The following DOCK1 variants were observed in gnomAD, a reference collection of about 807,000 sequenced individuals.
DOCK1 encodes the protein dedicator of cytokinesis protein 1.
DOCK1 carries 138 observed loss-of-function variants against 262.7 expected under a neutral mutation model. The observed-to-expected ratio is 0.53, with a 90% CI of 0.46 to 0.61. The LOEUF is 0.61. DOCK1 is among the 20% of genes least tolerant of loss of function. The pLI, the probability that DOCK1 is intolerant of heterozygous loss-of-function variation, is 0.00. For synonymous variants in DOCK1, 866 were observed against 867.4 expected (o/e 1.00, Z 0.03); for missense variants, 1,908 against 2,370.7 (o/e 0.80, Z 4.05).
intron 1 of DOCK1, among the ~76,000 whole-genome samples, chr10:126,961,815 A>G (rs1351691854): frequency 6.6e-6 from 1 of 152,150 alleles, no homozygotes; most frequent in African/African-American, 2.4e-5. Context: ...ATGGATGTGC[A>G]AATATCTATT....
chr10:126,997,662 A>C (rs948141690), intron 7 of DOCK1, among the ~76,000 whole-genome samples: 1 of 152,138 alleles, frequency 6.6e-6, no homozygotes, highest in Non-Finnish European at 1.5e-5. Context: ...CACAGTAGAT[A>C]CTCAGAAATT....
In DOCK1 at chr10:127,451,541, G is replaced by C; in HGVS notation, c.*114G>C. ...ATTGGGCCTGTGATGTTAACATTTC[G>C]TGCGACTGCTTTTTCTTCAAAGGAG... On this transcript the variant is annotated 3_prime_UTR_variant, in exon 52 of 52. Coordinates refer to ENST00000623213, the MANE Select transcript of DOCK1 (RefSeq NM_001290223.2). 4 of 1,521,998 alleles carry C rather than the reference G, an allele frequency of 2.6e-6. No individual in the cohort carries two copies. The highest frequency in any genetic ancestry group is 3.5e-6 in the Non-Finnish European group (4 of 1,135,784). 94.3% of individuals were successfully genotyped at this position (1,521,998 alleles called of 1,614,324 possible).
At chr10:127,250,264 T>A (rs2134824716) in intron 28 of DOCK1, among the ~76,000 whole-genome samples, 1 of 152,338 alleles carries the variant, frequency 6.6e-6, no homozygotes, top group African/African-American at 2.4e-5. Flanking sequence ...TCTGAACTAT[T>A]AAGTGCTGTA....
intron 47 of DOCK1, among the ~76,000 whole-genome samples, chr10:127,432,237 G>C (rs954730454): frequency 2.0e-5 from 3 of 152,118 alleles, no homozygotes; most frequent in Admixed American, 2.0e-4. Flanking sequence ...TTATGAAAGA[G>C]ATAGTTTACA....
At chr10:127,344,198 G>A (rs1213260732) in intron 31 of DOCK1, 1 of 154,940 alleles carries the variant, frequency 6.5e-6, no homozygotes, top group Admixed American at 6.4e-5. Flanking sequence ...CTTCCGGGCA[G>A]GAGCTTTGAA....
At chr10:127,292,613 T>A (rs1423650749) in intron 29 of DOCK1, among the ~76,000 whole-genome samples, 1 of 152,198 alleles carries the variant, frequency 6.6e-6, no homozygotes, top group Non-Finnish European at 1.5e-5. Context: ...GTGTGATCAT[T>A]ACTCTCTGTG....
chr10:127,003,877 C>T (rs190076390), intron 10 of DOCK1, among the ~76,000 whole-genome samples: 1 of 151,966 alleles, frequency 6.6e-6, no homozygotes, highest in Admixed American at 6.6e-5. Flanking sequence ...TTGCTTGAAC[C>T]TGGGAGGCGG....
At chr10:127,376,339 A>T (rs72841525) in intron 35 of DOCK1, among the ~76,000 whole-genome samples, 4,804 of 152,292 alleles carry the variant, frequency 0.032, 134 homozygotes, top group African/African-American at 0.077. Flanking sequence ...GACTTGAAAA[A>T]TCTGAATGTT....
chr10:127,096,003 A>T lies in DOCK1; in HGVS notation c.2446-10228A>T, dbSNP rs555889054. 3.9e-5 allele frequency among the ~76,000 whole-genome samples: 6 copies of T among 152,332 alleles called. No individual in the cohort carries two copies. In the East Asian group the frequency reaches 1.2e-3, roughly 29 times the overall value. ...GAAGCATTGGTGGTAGAGATGGGGA[A>T]TGCTATCTGAAAAACCAGAATCAGC... On this transcript the variant is annotated intron_variant, in intron 23 of 51. Transcript: ENST00000623213.
intron 12 of DOCK1, 44 bp from the exon 13 acceptor site, chr10:127,018,666 G>A (rs2042186832): frequency 6.2e-7 from 1 of 1,612,424 alleles, no homozygotes; most frequent in African/African-American, 1.3e-5. Flanking sequence ...TTCTAAAAAT[G>A]CATAGGATAA....
At position 127,012,284 on chromosome 10, in the gene DOCK1, T is replaced by C. The variant is rs370633629; in HGVS notation, c.1111T>C (p.Phe371Leu). The change falls in exon 12 of 52, where the codon TTT (phenylalanine) becomes CTT (leucine). Residue 371 changes from phenylalanine to leucine, a missense_variant. By Grantham distance (22) the Phe-to-Leu change is conservative. Coordinates refer to ENST00000623213, the MANE Select transcript of DOCK1 (RefSeq NM_001290223.2). The surrounding 1 kb of genome is among the most constrained non-coding windows in gnomAD (Gnocchi z 4.0). ...RHKPLNMSSR[F>L]SPRVAGENDF... Reference sequence around the variant, plus strand: ...CAAGCCGCTGAACATGTCATCCCGTTTTTCACCCAGGGTGGCAGGGGAGAA... The same window carrying C: ...CAAGCCGCTGAACATGTCATCCCGTCTTTCACCCAGGGTGGCAGGGGAGAA... The C allele has an allele frequency of 1.9e-6, 3 of 1,613,920 alleles. No individual in the cohort carries two copies. Among genetic ancestry groups the C allele is most frequent in the South Asian group, 1.1e-5 (1 of 91,074 alleles).
intron 27 of DOCK1, among the ~76,000 whole-genome samples, chr10:127,229,260 C>T (rs991136503): frequency 1.1e-4 from 17 of 152,100 alleles, no homozygotes; most frequent in Admixed American, 1.0e-3. Context: ...ACAAACCTCA[C>T]AAAACTACTG....
intron 16 of DOCK1, among the ~76,000 whole-genome samples, chr10:127,030,412 C>G (rs576911364): frequency 3.1e-4 from 47 of 152,260 alleles, no homozygotes; most frequent in African/African-American, 1.0e-3. Context: ...GACTTCTGTC[C>G]CCAGATGTGC....
chr10:127,087,281 A>T (rs943919740), intron 23 of DOCK1, among the ~76,000 whole-genome samples: 3 of 152,168 alleles, frequency 2.0e-5, no homozygotes, highest in Non-Finnish European at 4.4e-5. Context: ...CAGCAGAGGG[A>T]GCATCAGCTT....
rs1472189688 is a variant in DOCK1, at chr10:127,004,779, C to T, written c.986-3953C>T. Reference sequence around the variant, plus strand: ...ACGGCCCCCTGCCCCGCCACCCCCCCGCCCCAAAAAAAAGAAAAAAGTCTT... The same window carrying T: ...ACGGCCCCCTGCCCCGCCACCCCCCTGCCCCAAAAAAAAGAAAAAAGTCTT... On this transcript the variant is annotated intron_variant, in intron 10 of 51. Coordinates refer to ENST00000623213, the MANE Select transcript of DOCK1 (RefSeq NM_001290223.2). Among the ~76,000 whole-genome samples the T allele has an allele frequency of 2.8e-5, 3 of 107,198 alleles. 1 individual carries two copies. The highest frequency in any genetic ancestry group is 1.0e-4 in the African/African-American group (3 of 30,120). The allele number at this position is 107,198 out of a possible 152,430, so 70.3% of individuals were successfully genotyped here.
Position 127,175,750 on chromosome 10 carries a change from G to A in DOCK1, c.2847+47986G>A, listed in dbSNP as rs748154370. ...AGCTGGTAATCGGGCTCTTCGGATG[G>A]AGGCCGAGTGGAGTTTTGGAGCGCA... On this transcript the variant is annotated intron_variant, in intron 27 of 51. Transcript: ENST00000623213. This position sits in a 1 kb window ranked among gnomAD's most constrained non-coding sequence, Gnocchi z 6.3. 1 of 1,614,168 alleles carries A rather than the reference G, an allele frequency of 6.2e-7. No individual in the cohort carries two copies. Among genetic ancestry groups the A allele is most frequent in the Non-Finnish European group, 8.5e-7 (1 of 1,180,044 alleles).
intron 1 of DOCK1, among the ~76,000 whole-genome samples, chr10:126,910,962 G>A (rs1209924928): frequency 2.0e-5 from 3 of 152,180 alleles, no homozygotes; most frequent in East Asian, 1.9e-4. Context: ...TTCACCTGTC[G>A]AAGGACATCT....
intron 27 of DOCK1, among the ~76,000 whole-genome samples, chr10:127,172,850 A>G (rs922499377): frequency 1.3e-5 from 2 of 152,208 alleles, no homozygotes; most frequent in African/African-American, 2.4e-5. Context: ...ACCGGAGTGA[A>G]TGACATTTCG....
rs556209130 is a variant in DOCK1 at position 127,151,634 on chromosome 10, G to A, written c.2847+23870G>A. ...TCTGAAGATGCCACCCAAATCACCC[G>A]TCTGTAAAATCACATCTGCAGTAAA... On this transcript the variant is annotated intron_variant, in intron 27 of 51. Coordinates refer to ENST00000623213, the MANE Select transcript of DOCK1 (RefSeq NM_001290223.2). 9.0e-4 allele frequency among the ~76,000 whole-genome samples: 137 copies of A among 152,236 alleles called. 1 individual carries two copies. Among genetic ancestry groups the A allele is most frequent in the African/African-American group, 3.1e-3 (128 of 41,544 alleles).
Sources: gnomAD v4.1 joint callset for allele counts (sites outside exome capture counted in the v4.1 genomes callset) on GRCh38, gnomAD v4.1.1 for gene constraint, Gnocchi (gnomAD v3.1) non-coding constraint, MANE v1.5 for transcripts, NCBI Gene and HGNC (gene_info 2026-07-23, HGNC 2026-07-21) for gene names.